The following ACYP2 variants were observed in gnomAD, a reference collection of about 807,000 sequenced individuals.
ACYP2 encodes the protein acylphosphatase-2.
Under a neutral mutation model 11.2 loss-of-function variants are expected in ACYP2, and 12 were observed. The observed-to-expected ratio is 1.08, with a 90% CI of 0.69 to 1.74. The LOEUF (loss-of-function observed/expected upper bound fraction) is 1.74. Among genes scored for constraint, ACYP2 ranks in the 40% most tolerant of loss-of-function variants. ACYP2 has a pLI of 0.00. For synonymous variants in ACYP2, 43 were observed against 32.2 expected, an observed-to-expected ratio of 1.33 and a Z score of -1.13; for missense variants, 134 against 101.9, an observed-to-expected ratio of 1.31 and a Z score of -1.35.
At chr2:54,046,252 G>T (rs1055595568) in intron 2 of ACYP2, among the ~76,000 whole-genome samples, 2 of 151,564 alleles carry the variant, frequency 1.3e-5, no homozygotes, top group Non-Finnish European at 2.9e-5. Flanking sequence ...GCTGAGGCGG[G>T]TGCATTACTT....
intron 6 of ACYP2, among the ~76,000 whole-genome samples, chr2:54,260,359 G>A (rs56227395): frequency 0.19 from 29,484 of 152,018 alleles, 3,447 homozygotes; most frequent in African/African-American, 0.34. Flanking sequence ...TGACTAGACT[G>A]TGACCTAAAG....
In ACYP2 at chr2:54,267,301, C is replaced by T. The variant is rs1047337270; in HGVS notation, c.405-37387C>T. 3.9e-6 allele frequency: 6 copies of T among 1,548,572 alleles called. No individual in the cohort carries two copies. In the African/African-American group the frequency reaches 5.5e-5, roughly 14 times the overall value. On this transcript the variant is annotated intron_variant, in intron 6 of 6. Transcript: ENST00000607452. ...ATTTCCATTTGACTTAATAGGAATT[C>T]ATCAGCTCCGGAAGCTGGGTGAAGA... is the stretch of plus-strand genomic sequence containing the variant.
chr2:54,229,132 TTC>T (rs1408383978), intron 6 of ACYP2, among the ~76,000 whole-genome samples: 8 of 151,504 alleles, frequency 5.3e-5, no homozygotes, highest in Admixed American at 2.0e-4. Context: ...TGGGTTAGAG[TTC>T]CAGGCAAGAG....
At chr2:53,977,705 A>C (rs1199771410) in intron 2 of ACYP2, among the ~76,000 whole-genome samples, 1 of 150,050 alleles carries the variant, frequency 6.7e-6, no homozygotes, top group Admixed American at 6.7e-5. Flanking sequence ...ACTGCACTCC[A>C]GCCTGGGTGG....
chr2:54,201,634 T>C (rs868780713), intron 6 of ACYP2, among the ~76,000 whole-genome samples: 122 of 64,860 alleles, frequency 1.9e-3, no homozygotes, highest in East Asian at 0.018. Context: ...GTTTCTTTCT[T>C]TCTCTTTCTT....
chr2:54,021,137 G>T (rs1673988315), intron 2 of ACYP2, among the ~76,000 whole-genome samples: 1 of 152,110 alleles, frequency 6.6e-6, no homozygotes, highest in African/African-American at 2.4e-5. Flanking sequence ...ATTCTGATTG[G>T]CTGTTTTAAG....
intron 2 of ACYP2, among the ~76,000 whole-genome samples, chr2:54,003,914 T>C (rs1356783771): frequency 1.3e-5 from 2 of 152,242 alleles, no homozygotes; most frequent in African/African-American, 4.8e-5. Context: ...TGTCAATGTT[T>C]AGGGTTTTGG....
chr2:54,279,944 A>G (rs778218162), intron 6 of ACYP2, among the ~76,000 whole-genome samples: 1 of 152,202 alleles, frequency 6.6e-6, no homozygotes, highest in Non-Finnish European at 1.5e-5. Context: ...TGGATTTGCT[A>G]TCTTATCTTC....
chr2:54,191,958 G>A (rs1347091441), intron 6 of ACYP2, among the ~76,000 whole-genome samples: 1 of 152,050 alleles, frequency 6.6e-6, no homozygotes, highest in Non-Finnish European at 1.5e-5. Flanking sequence ...CTGGTGTATG[G>A]CAGGCACCCA....
chr2:54,236,098 TTTTG>T (rs1042150599), intron 6 of ACYP2, among the ~76,000 whole-genome samples: 4 of 152,076 alleles, frequency 2.6e-5, no homozygotes, highest in African/African-American at 9.7e-5. Context: ...CTGGAATTTT[TTTTG>T]TTTGTTTTTT....
chr2:54,197,564 T>A (rs1215206679), intron 6 of ACYP2, among the ~76,000 whole-genome samples: 1 of 152,136 alleles, frequency 6.6e-6, no homozygotes, highest in African/African-American at 2.4e-5. Context: ...CAGGAGTGCT[T>A]GGGGAACTCC....
At chr2:54,190,187 T>C (rs1217381699) in intron 6 of ACYP2, among the ~76,000 whole-genome samples, 1 of 152,220 alleles carries the variant, frequency 6.6e-6, no homozygotes, top group Non-Finnish European at 1.5e-5. Context: ...TTGTTTCCTT[T>C]GCTGTGCAGA....
chr2:54,239,520 C>T (rs188487739), intron 6 of ACYP2, among the ~76,000 whole-genome samples: 242 of 152,212 alleles, frequency 1.6e-3, no homozygotes, highest in Non-Finnish European at 2.9e-3. Flanking sequence ...AAAAGCATGC[C>T]CCATCCCACT....
At chr2:54,071,029 G>C (rs1338182365) in intron 4 of ACYP2, among the ~76,000 whole-genome samples, 2 of 152,050 alleles carry the variant, frequency 1.3e-5, no homozygotes, top group Non-Finnish European at 2.9e-5. Flanking sequence ...TGGGATTACA[G>C]GCATAAGACA....
intron 6 of ACYP2, among the ~76,000 whole-genome samples, chr2:54,150,658 G>A (rs1370890329): frequency 1.3e-5 from 2 of 152,134 alleles, no homozygotes; most frequent in East Asian, 1.9e-4. Flanking sequence ...CTGACCTGGG[G>A]TGATCGGCCC....
intron 4 of ACYP2, among the ~76,000 whole-genome samples, chr2:54,121,963 G>A (rs1248920512): frequency 2.0e-5 from 3 of 152,212 alleles, no homozygotes; most frequent in African/African-American, 7.2e-5. Flanking sequence ...GTAGTGTGAT[G>A]GCTGTTTTAA....
intron 6 of ACYP2, among the ~76,000 whole-genome samples, chr2:54,265,414 C>T (rs1049781819): frequency 5.3e-5 from 8 of 152,260 alleles, no homozygotes; most frequent in Admixed American, 2.0e-4. Context: ...CAGTGATCTC[C>T]CACCAGGTTC....
intron 6 of ACYP2, among the ~76,000 whole-genome samples, chr2:54,149,926 A>C (rs1372351407): frequency 2.0e-5 from 3 of 152,260 alleles, no homozygotes; most frequent in Non-Finnish European, 4.4e-5. Flanking sequence ...AAGGGCTGAT[A>C]CATAGGAAAG....
At chr2:54,024,521 T>C (rs1194060145) in intron 2 of ACYP2, among the ~76,000 whole-genome samples, 1 of 152,136 alleles carries the variant, frequency 6.6e-6, no homozygotes, top group African/African-American at 2.4e-5. Context: ...AGAAAAAGCA[T>C]TTGACAAAAT....
Sources: gnomAD v4.1 joint callset for allele counts (sites outside exome capture counted in the v4.1 genomes callset) on GRCh38, gnomAD v4.1.1 for gene constraint, MANE v1.5 for transcripts, NCBI Gene and HGNC (gene_info 2026-07-23, HGNC 2026-07-21) for gene names.